POU6F2: variants seen among roughly 807,000 people sequenced by gnomAD.
The protein encoded by POU6F2 is POU domain, class 6, transcription factor 2.
A neutral mutation model predicts 71.3 loss-of-function variants in POU6F2; 31 were observed. The observed-to-expected ratio is 0.43, with a 90% CI of 0.33 to 0.59. The LOEUF (loss-of-function observed/expected upper bound fraction) is 0.59. Among genes scored for constraint, POU6F2 ranks in the 20% least tolerant of loss-of-function variants. The pLI is 0.04. For missense variants in POU6F2, 783 were observed against 856.8 expected (o/e 0.91, Z 1.07); for synonymous variants, 347 against 355.7 (o/e 0.98, Z 0.27).
chr7:39,244,305 C>A (rs62453437), intron 4 of POU6F2, among the ~76,000 whole-genome samples: 4 of 152,068 alleles, frequency 2.6e-5, no homozygotes, highest in East Asian at 1.9e-4. Context: ...ACCATGCCCA[C>A]GCTGCAAAAA....
chr7:39,264,138 C>T (rs779922190), intron 4 of POU6F2, among the ~76,000 whole-genome samples: 1 of 152,180 alleles, frequency 6.6e-6, no homozygotes, highest in African/African-American at 2.4e-5. Context: ...TGACTTCCAG[C>T]GTCTGAGCCC....
chr7:39,135,031 C>CAA (rs57210421), intron 2 of POU6F2, among the ~76,000 whole-genome samples: 66,417 of 151,620 alleles, frequency 0.44, 14,926 homozygotes, highest in East Asian at 0.69. Context: ...AAAATGAAGA[C>CAA]GAGTAAAATT....
chr7:39,060,476 A>G (rs563044647), intron 1 of POU6F2, among the ~76,000 whole-genome samples: 35 of 152,332 alleles, frequency 2.3e-4, no homozygotes, highest in Admixed American at 7.2e-4. Flanking sequence ...TTAAAAGAAA[A>G]AAGTTCTCAA....
intron 2 of POU6F2, among the ~76,000 whole-genome samples, chr7:39,195,626 A>G (rs1793772834): frequency 6.6e-6 from 1 of 151,314 alleles, no homozygotes; most frequent in African/African-American, 2.4e-5. Flanking sequence ...TCCAGTATCC[A>G]TGTGGGGCCA....
intron 7 of POU6F2, among the ~76,000 whole-genome samples, chr7:39,446,648 G>A (rs755789088): frequency 6.6e-6 from 1 of 152,312 alleles, no homozygotes; most frequent in East Asian, 1.9e-4. Flanking sequence ...GTGCCAACCA[G>A]TAAAAACAAA....
chr7:39,240,580 A>G (rs1243632426), intron 4 of POU6F2, among the ~76,000 whole-genome samples: 2 of 152,156 alleles, frequency 1.3e-5, no homozygotes, highest in African/African-American at 4.8e-5. Context: ...AATCTACAGA[A>G]TGAGAAACTT....
intron 6 of POU6F2, among the ~76,000 whole-genome samples, chr7:39,412,255 T>G (rs767141631): frequency 2.0e-5 from 3 of 152,238 alleles, no homozygotes; most frequent in Admixed American, 6.5e-5. Flanking sequence ...ATTTAATAAA[T>G]CATGGCTATT....
chr7:39,330,335 T>C (rs149429941), intron 4 of POU6F2, among the ~76,000 whole-genome samples: 132 of 152,328 alleles, frequency 8.7e-4, no homozygotes, highest in African/African-American at 3.1e-3. Flanking sequence ...TGTTTAAGTC[T>C]CTATTTGTTC....
intron 1 of POU6F2, among the ~76,000 whole-genome samples, chr7:39,032,653 C>T (rs1789970591): frequency 6.6e-6 from 1 of 152,208 alleles, no homozygotes; most frequent in Non-Finnish European, 1.5e-5. Context: ...CAGATTTCAG[C>T]CTGCCATGCT....
chr7:39,358,883 A>G (rs901804306), intron 5 of POU6F2, among the ~76,000 whole-genome samples: 2 of 151,842 alleles, frequency 1.3e-5, no homozygotes, highest in African/African-American at 4.8e-5. Context: ...TAAAAAAAAA[A>G]AAAAAAAAGA....
intron 6 of POU6F2, among the ~76,000 whole-genome samples, chr7:39,419,125 A>G (rs1429500975): frequency 7.4e-6 from 1 of 135,496 alleles, no homozygotes; most frequent in African/African-American, 3.0e-5. Context: ...ATATATGTGT[A>G]TATATACACA....
At chr7:39,085,396 G>C (rs187456668) in intron 1 of POU6F2, among the ~76,000 whole-genome samples, 1 of 151,858 alleles carries the variant, frequency 6.6e-6, no homozygotes, top group African/African-American at 2.4e-5. Context: ...CGGGGAGAAG[G>C]CTTCTTAAAA....
At chr7:39,199,037 G>T (rs922524303) in intron 2 of POU6F2, among the ~76,000 whole-genome samples, 1 of 152,182 alleles carries the variant, frequency 6.6e-6, no homozygotes, top group Non-Finnish European at 1.5e-5. Flanking sequence ...AAAGCTGAGG[G>T]ATCTCTGTGA....
chr7:39,351,583 A>G (rs1014279761), intron 5 of POU6F2, among the ~76,000 whole-genome samples: 2 of 152,198 alleles, frequency 1.3e-5, no homozygotes, highest in African/African-American at 2.4e-5. Flanking sequence ...ATGTTGTCTC[A>G]TCTAGTTTAT....
Position 39,277,127 on chromosome 7 carries a change from A to G in POU6F2, c.599-62515A>G, listed in dbSNP as rs531025610. The stretch of plus-strand genomic sequence containing the variant: ...TTGGGAGAAACTTTCAATTGTAAAA[A>G]CAATAGCTAAGATTGAAGAAACAGT... On this transcript the variant is annotated intron_variant, in intron 4 of 9. Coordinates refer to ENST00000518318, the MANE Select transcript of POU6F2 (RefSeq NM_001370959.1). Among the ~76,000 whole-genome samples the G allele has an allele frequency of 1.5e-4, 23 of 152,334 alleles. No individual in the cohort carries two copies. The South Asian group carries it at 4.8e-3, about 32-fold the overall frequency.
At chr7:39,251,957 T>C (rs1783928077) in intron 4 of POU6F2, among the ~76,000 whole-genome samples, 1 of 152,200 alleles carries the variant, frequency 6.6e-6, no homozygotes, top group African/African-American at 2.4e-5. Flanking sequence ...AAAGGGCTAG[T>C]AGCAGAATCT....
chr7:38,980,368 T>A (rs1006056504), intron 1 of POU6F2, among the ~76,000 whole-genome samples: 1 of 152,212 alleles, frequency 6.6e-6, no homozygotes, highest in Non-Finnish European at 1.5e-5. Flanking sequence ...TTGTCCTATA[T>A]GTATACCATA....
At position 39,151,186 on chromosome 7, in the gene POU6F2, G is replaced by A. The variant is rs138106940; in HGVS notation, c.278-53049G>A. Among the ~76,000 whole-genome samples, 435 of 152,242 alleles carry A rather than the reference G, an allele frequency of 2.9e-3. 1 individual carries two copies. Among genetic ancestry groups the A allele is most frequent in the African/African-American group, 9.9e-3 (412 of 41,522 alleles). On this transcript the variant is annotated intron_variant, in intron 2 of 9. Transcript: ENST00000518318. ...ACATGGGTTTTCTGCTTCTTCTAGA[G>A]AGTTCTTTTCCTAATGGAGGTCAGC...
chr7:39,327,617 T>G (rs1025396669), intron 4 of POU6F2, among the ~76,000 whole-genome samples: 1 of 151,978 alleles, frequency 6.6e-6, no homozygotes. Context: ...AGAATTTTAT[T>G]ATGTTTATTT....
Sources: allele counts gnomAD v4.1 joint callset (sites outside exome capture counted in the v4.1 genomes callset), GRCh38; gene constraint gnomAD v4.1.1; transcripts MANE v1.5; gene names NCBI Gene and HGNC (gene_info 2026-07-23, HGNC 2026-07-21).